The following LRRTM4 variants were observed in gnomAD, a reference collection of about 807,000 sequenced individuals.
LRRTM4 encodes leucine-rich repeat transmembrane neuronal protein 4.
Under a neutral mutation model 47.6 loss-of-function variants are expected in LRRTM4, and 25 were observed. The ratio of observed to expected loss-of-function variants is 0.53; its 90% CI spans 0.38 to 0.73. The LOEUF is 0.73. Among genes scored for constraint, LRRTM4 ranks in the 30% least tolerant of loss-of-function variants. The pLI is 0.00. For synonymous variants in LRRTM4, 311 were observed against 269.5 expected (o/e 1.15, Z -1.51); for missense variants, 638 against 713.4 (o/e 0.89, Z 1.20).
chr2:77,209,554 T>C lies in LRRTM4; in HGVS notation c.1551+308764A>G, dbSNP rs551715125. On this transcript the variant is annotated intron_variant, in intron 3 of 3. Transcript: ENST00000409884. Reference sequence around the variant, plus strand: ...TCACAGATAATGTTTTAGAGGTAGGTATTATCGACAATGTTACAATTCAAA... The same window carrying C: ...TCACAGATAATGTTTTAGAGGTAGGCATTATCGACAATGTTACAATTCAAA... Among the ~76,000 whole-genome samples, 8 of 152,306 alleles carry C rather than the reference T, an allele frequency of 5.3e-5. No homozygotes were observed. The East Asian group carries it at 1.5e-3, about 29-fold the overall frequency.
chr2:77,016,056 G>A (rs954079076), intron 3 of LRRTM4, among the ~76,000 whole-genome samples: 1 of 152,066 alleles, frequency 6.6e-6, no homozygotes, highest in Admixed American at 6.5e-5. Context: ...GCTCCAGCCT[G>A]GGTGACAGAA....
rs76227421 is a variant in LRRTM4, at chr2:77,290,184, G to A, written c.1551+228134C>T. Among the ~76,000 whole-genome samples the A allele has an allele frequency of 6.1e-3, 934 of 151,960 alleles. 11 individuals are homozygous for A. The highest frequency in any genetic ancestry group is 0.021 in the African/African-American group (852 of 41,486). Reference sequence around the variant, plus strand: ...ACACTAATGTAAACCCTACTATTAGGTGAAACTTTCCCAGTCACTATATGA... The same window carrying A: ...ACACTAATGTAAACCCTACTATTAGATGAAACTTTCCCAGTCACTATATGA... On this transcript the variant is annotated intron_variant, in intron 3 of 3. Transcript: ENST00000409884.
chr2:77,090,140 C>A (rs1670554651), intron 3 of LRRTM4, among the ~76,000 whole-genome samples: 1 of 152,162 alleles, frequency 6.6e-6, no homozygotes, highest in African/African-American at 2.4e-5. Flanking sequence ...CACCTCCCCT[C>A]CTCACACCTG....
At chr2:76,823,572 A>G (rs1671110842) in intron 3 of LRRTM4, among the ~76,000 whole-genome samples, 2 of 151,492 alleles carry the variant, frequency 1.3e-5, no homozygotes, top group South Asian at 4.1e-4. Flanking sequence ...CTGTATCAAA[A>G]TAATTTCCAC....
chr2:77,093,872 G>A (rs138460251), intron 3 of LRRTM4, among the ~76,000 whole-genome samples: 6,118 of 151,418 alleles, frequency 0.04, 301 homozygotes, highest in African/African-American at 0.098. Context: ...TCCTTTTCCT[G>A]GCTCATCCTG....
chr2:77,161,546 G>T (rs770469025), intron 3 of LRRTM4, among the ~76,000 whole-genome samples: 3 of 152,222 alleles, frequency 2.0e-5, no homozygotes, highest in Non-Finnish European at 4.4e-5. Context: ...TGGTCAGGTG[G>T]TAACAGCTTT....
At position 77,314,149 on chromosome 2, in the gene LRRTM4, G is replaced by A. The variant is rs115806563; in HGVS notation, c.1551+204169C>T. Reference sequence around the variant, plus strand: ...ATCAAGCTTGTTTATCATATTCAAAGCTTCTAAGAGCTTATTTGTTTTTCT... The same window carrying A: ...ATCAAGCTTGTTTATCATATTCAAAACTTCTAAGAGCTTATTTGTTTTTCT... On this transcript the variant is annotated intron_variant, in intron 3 of 3. Transcript: ENST00000409884. Among the ~76,000 whole-genome samples, 1,054 of 152,222 alleles carry A rather than the reference G, an allele frequency of 6.9e-3. 13 individuals carry two copies. The highest frequency in any genetic ancestry group is 0.024 in the African/African-American group (1,015 of 41,546).
chr2:77,327,011 T>C (rs1193962369), intron 3 of LRRTM4, among the ~76,000 whole-genome samples: 5 of 152,174 alleles, frequency 3.3e-5, no homozygotes, highest in African/African-American at 1.2e-4. Context: ...GGAAAGGTTG[T>C]GGGCAAAAGG....
intron 3 of LRRTM4, among the ~76,000 whole-genome samples, chr2:76,858,082 T>G (rs1303910101): frequency 2.0e-5 from 3 of 152,108 alleles, no homozygotes; most frequent in Non-Finnish European, 4.4e-5. Context: ...GGGCAATAGA[T>G]ATCTATAATG....
chr2:77,086,633 A>C (rs1362473938), intron 3 of LRRTM4, among the ~76,000 whole-genome samples: 1 of 151,622 alleles, frequency 6.6e-6, no homozygotes, highest in African/African-American at 2.4e-5. Flanking sequence ...GCCCAGCACC[A>C]TGCCTGACTT....
At position 77,035,314 on chromosome 2, in the gene LRRTM4, A is replaced by C. The variant is rs1198354367; in HGVS notation, c.1552-286398T>G. Among the ~76,000 whole-genome samples, 3 of 151,716 alleles carry C rather than the reference A, an allele frequency of 2.0e-5. No homozygotes were observed. In the East Asian group the frequency reaches 5.8e-4, roughly 29 times the overall value. The stretch of plus-strand genomic sequence containing the variant: ...AACCAGAAGAATCCTGTATATATTT[A>C]CTCAAGTTCCCCCGATGATAATATC... On this transcript the variant is annotated intron_variant, in intron 3 of 3. Transcript: ENST00000409884.
chr2:77,077,998 G>T (rs7586053), intron 3 of LRRTM4, among the ~76,000 whole-genome samples: 61,079 of 151,710 alleles, frequency 0.4, 14,265 homozygotes, highest in East Asian at 0.68. Flanking sequence ...TCAGGTGTTT[G>T]AATCCCAGTT....
chr2:77,034,742 G>GT (rs1351580089), intron 3 of LRRTM4, among the ~76,000 whole-genome samples: 1 of 151,998 alleles, frequency 6.6e-6, no homozygotes, highest in East Asian at 1.9e-4. Context: ...ACGTCTGCCT[G>GT]TTTATCTTTT....
intron 3 of LRRTM4, among the ~76,000 whole-genome samples, chr2:76,750,832 A>C (rs1672826403): frequency 6.6e-6 from 1 of 152,240 alleles, no homozygotes; most frequent in African/African-American, 2.4e-5. Context: ...TGTTTTTAAC[A>C]CCTCTCTGCT....
intron 2 of LRRTM4, 97 bp downstream of exon 2, chr2:77,521,571 C>A: frequency 7.1e-7 from 1 of 1,417,578 alleles, no homozygotes; most frequent in Non-Finnish European, 9.9e-7. Flanking sequence ...CTGCTCTTTG[C>A]CTGTTTCCCC....
At chr2:77,224,049 G>T (rs7421302) in intron 3 of LRRTM4, among the ~76,000 whole-genome samples, 2 of 149,864 alleles carry the variant, frequency 1.3e-5, no homozygotes, top group Non-Finnish European at 3.0e-5. Flanking sequence ...CCTCAGAAAT[G>T]ATGCCGCATA....
chr2:76,772,917 C>G (rs955377924), intron 3 of LRRTM4: 2 of 152,068 alleles, frequency 1.3e-5, no homozygotes, highest in Non-Finnish European at 2.9e-5. Flanking sequence ...GGGTCTACTA[C>G]CATATCACCC....
At chr2:77,428,272 C>A (rs1675205351) in intron 3 of LRRTM4, among the ~76,000 whole-genome samples, 1 of 152,164 alleles carries the variant, frequency 6.6e-6, no homozygotes, top group Non-Finnish European at 1.5e-5. Flanking sequence ...TGGACTGATA[C>A]ACCAACTACA....
intron 3 of LRRTM4, among the ~76,000 whole-genome samples, chr2:77,256,906 C>T (rs74653618): frequency 0.035 from 5,321 of 152,046 alleles, 164 homozygotes; most frequent in African/African-American, 0.08. Context: ...GACACAAAAA[C>T]CCTTAACAAG....
Sources: gnomAD v4.1 joint callset for allele counts (sites outside exome capture counted in the v4.1 genomes callset) on GRCh38, gnomAD v4.1.1 for gene constraint, MANE v1.5 for transcripts, NCBI Gene and HGNC (gene_info 2026-07-23, HGNC 2026-07-21) for gene names.